The following COPS2 variants were observed in gnomAD, a reference collection of about 807,000 sequenced individuals.
The protein encoded by COPS2 is COP9 signalosome complex subunit 2.
COPS2 carries 10 observed loss-of-function variants against 66.1 expected under a neutral mutation model. The ratio of observed to expected loss-of-function variants is 0.15; its 90% CI spans 0.09 to 0.26. COPS2 has a LOEUF of 0.26. Ranked by LOEUF, COPS2 falls within the 10% of genes least tolerant of loss-of-function variation. COPS2 has a pLI of 1.00. For missense variants in COPS2, 215 were observed against 513.3 expected (o/e 0.42, Z 5.62); for synonymous variants, 179 against 171.3 (o/e 1.04, Z -0.35).
intron 1 of COPS2, among the ~76,000 whole-genome samples, chr15:49,149,716 T>C (rs2084345411): frequency 6.6e-6 from 1 of 152,202 alleles, no homozygotes; most frequent in South Asian, 2.1e-4. Context: ...CTTACTCTTG[T>C]ATTTACCGCC....
At chr15:49,136,833 C>CA (rs1169584350) in intron 6 of COPS2, among the ~76,000 whole-genome samples, 1 of 151,712 alleles carries the variant, frequency 6.6e-6, no homozygotes, top group Admixed American at 6.6e-5. Flanking sequence ...CAAAAAAATA[C>CA]AAAAAATTAG....
rs774521967 is a variant in COPS2 at position 49,133,863 on chromosome 15, T to A, written c.895-52A>T. The A allele has an allele frequency of 6.5e-6, 10 of 1,545,694 alleles. No individual in the cohort carries two copies. The Admixed American group carries it at 8.3e-5, about 13-fold the overall frequency. ...ATATATGTACAAAGAAACAACATTT[T>A]AAAAAAAGAAATAACATTTATTTCC... On this transcript the variant is annotated intron_variant, in intron 8 of 12. Coordinates refer to ENST00000388901, the MANE Select transcript of COPS2 (RefSeq NM_004236.4).
Position 49,127,866 on chromosome 15 carries a change from C to T in COPS2, c.*84G>A, listed in dbSNP as rs2084179531. The T allele has an allele frequency of 7.3e-7, 1 of 1,367,696 alleles. No homozygotes were observed. The highest frequency in any genetic ancestry group is 1.0e-6 in the Non-Finnish European group (1 of 999,582). The allele number at this position is 1,367,696 out of a possible 1,614,324, so 84.7% of individuals were successfully genotyped here. A position where few individuals can be genotyped will look rare whatever the true frequency, so the allele number is the denominator to read the frequency against. On this transcript the variant is annotated 3_prime_UTR_variant, in exon 13 of 13. Coordinates refer to ENST00000388901, the MANE Select transcript of COPS2 (RefSeq NM_004236.4). The stretch of plus-strand genomic sequence containing the variant: ...ATAATTTTCAGGACACATCAACCGA[C>T]AGTAGTTTTGCCATTCCCAGTTCTT...
chr15:49,125,220 A>C lies in COPS2; in HGVS notation c.*2730T>G, dbSNP rs1008707324. The C allele has an allele frequency of 6.6e-6, 1 of 152,170 alleles. No homozygotes were observed. The highest frequency in any genetic ancestry group is 2.4e-5 in the African/African-American group (1 of 41,466). 9.4% of individuals were successfully genotyped at this position (152,170 alleles called of 1,614,324 possible). A position where few individuals can be genotyped will look rare whatever the true frequency, so the allele number is the denominator to read the frequency against. On this transcript the variant is annotated 3_prime_UTR_variant, in exon 13 of 13. Coordinates refer to ENST00000388901, the MANE Select transcript of COPS2 (RefSeq NM_004236.4). Reference sequence around the variant, plus strand: ...AGTTAGAAGGGACTCATGTAATGAGAGCATTACTTAGTACATATATACTCA... The same window carrying C: ...AGTTAGAAGGGACTCATGTAATGAGCGCATTACTTAGTACATATATACTCA...
Position 49,137,130 on chromosome 15 carries a change from A to G in COPS2, c.540+20T>C, listed in dbSNP as rs751870873. ...TTTTTATTATGAAGAAATATTCAGA[A>G]AAAAATAAGGGAAAGCTACCTGGCA... On this transcript the variant is annotated intron_variant, in intron 6 of 12. Coordinates refer to ENST00000388901, the MANE Select transcript of COPS2 (RefSeq NM_004236.4). 3.4e-5 allele frequency: 52 copies of G among 1,511,794 alleles called. No homozygotes were observed. In the South Asian group the frequency reaches 6.3e-4, roughly 18 times the overall value. The allele number at this position is 1,511,794 out of a possible 1,614,324, so 93.6% of individuals were successfully genotyped here. A position where few individuals can be genotyped will look rare whatever the true frequency, so the allele number is the denominator to read the frequency against.
intron 4 of COPS2, 81 bp from the exon 5 acceptor site, chr15:49,137,518 G>C (rs2084261957): frequency 2.0e-6 from 2 of 999,658 alleles, no homozygotes; most frequent in Non-Finnish European, 1.6e-6. Context: ...CAAACTAAAA[G>C]TGCATCTTTG....
In COPS2 at chr15:49,127,736, T is replaced by C. The variant is rs2084178446; in HGVS notation, c.*214A>G. 2 of 492,084 alleles carry C rather than the reference T, an allele frequency of 4.1e-6. No homozygotes were observed. Among genetic ancestry groups the C allele is most frequent in the East Asian group, 6.4e-5 (2 of 31,196 alleles). 30.5% of individuals were successfully genotyped at this position (492,084 alleles called of 1,614,324 possible). ...AGATGTCAATACAGCATAAATCCCA[T>C]GGTATTTTGGTTTTCTTCTGGAGAT... is the stretch of plus-strand genomic sequence containing the variant. On this transcript the variant is annotated 3_prime_UTR_variant, in exon 13 of 13. Coordinates refer to ENST00000388901, the MANE Select transcript of COPS2 (RefSeq NM_004236.4).
chr15:49,149,087 T>C (rs1248269185), intron 1 of COPS2, among the ~76,000 whole-genome samples: 2 of 152,012 alleles, frequency 1.3e-5, no homozygotes, highest in African/African-American at 4.8e-5. Flanking sequence ...TTATGAAAAA[T>C]AATCAAGCAC....
intron 3 of COPS2, among the ~76,000 whole-genome samples, chr15:49,143,925 G>C (rs2084304917): frequency 6.6e-6 from 1 of 151,542 alleles, no homozygotes. Context: ...GGCAGAGGTT[G>C]CAGTGAACCA....
intron 1 of COPS2, among the ~76,000 whole-genome samples, chr15:49,151,305 C>A (rs1419774794): frequency 6.6e-6 from 1 of 150,426 alleles, no homozygotes; most frequent in Non-Finnish European, 1.5e-5. Flanking sequence ...GAGGTTGAGG[C>A]AGGAGAATTG....
At chr15:49,142,701 C>T (rs2084296958) in intron 3 of COPS2, among the ~76,000 whole-genome samples, 1 of 152,136 alleles carries the variant, frequency 6.6e-6, no homozygotes, top group South Asian at 2.1e-4. Context: ...TCTCCTGATC[C>T]TTTTTCCCTC....
intron 1 of COPS2, among the ~76,000 whole-genome samples, chr15:49,149,016 A>G (rs1287847652): frequency 1.3e-5 from 2 of 152,232 alleles, no homozygotes; most frequent in Non-Finnish European, 2.9e-5. Flanking sequence ...ACAGAAGAGA[A>G]AGTGAAATTT....
At chr15:49,153,501 T>C (rs2141136019) in intron 1 of COPS2, among the ~76,000 whole-genome samples, 1 of 152,236 alleles carries the variant, frequency 6.6e-6, no homozygotes, top group South Asian at 2.1e-4. Context: ...TCTCAAAAAC[T>C]AGAAGTAGAA....
At chr15:49,132,109 G>T (rs1489720702) in intron 9 of COPS2, among the ~76,000 whole-genome samples, 1 of 151,836 alleles carries the variant, frequency 6.6e-6, no homozygotes, top group Non-Finnish European at 1.5e-5. Flanking sequence ...ATATTTCTTA[G>T]AGTTTTAAAA....
intron 12 of COPS2, 45 bp downstream of exon 12, chr15:49,128,657 T>G (rs1449969388): frequency 7.3e-7 from 1 of 1,372,302 alleles, no homozygotes; most frequent in Non-Finnish European, 1.0e-6. Flanking sequence ...TATTCAAAAC[T>G]TACGGTACCA....
Position 49,127,970 on chromosome 15 carries a change from C to T in COPS2, c.1312G>A (p.Val438Ile). The T allele has an allele frequency of 1.2e-6, 2 of 1,613,926 alleles. No individual in the cohort carries two copies. The highest frequency in any genetic ancestry group is 1.7e-6 in the Non-Finnish European group (2 of 1,179,848). ...TNQLNSLNQA[V>I]VSKLA ...CTCTGTTAAGCCAGTTTACTGACTA[C>T]AGCCTGGTTGAGAGAATTTAGTTGG... The change falls in exon 13 of 13, where the codon GTA becomes ATA. Residue 438 changes from valine to isoleucine, a missense_variant. By Grantham distance (29) the Val-to-Ile change is conservative (BLOSUM62 3). Transcript: ENST00000388901.
chr15:49,147,352 G>A (rs1013849215), intron 1 of COPS2, among the ~76,000 whole-genome samples: 5 of 151,996 alleles, frequency 3.3e-5, no homozygotes, highest in African/African-American at 1.2e-4. Flanking sequence ...TGATCACAAA[G>A]TAAAAATTCA....
rs2084139160 is a variant in COPS2 at position 49,123,280 on chromosome 15, A to T, written c.*4670T>A. ...TAAACTCTAAACTCCCATAAAATGG[A>T]TGTACAATAAAACAACCTTTAGCAA... On this transcript the variant is annotated 3_prime_UTR_variant, in exon 13 of 13. Coordinates refer to ENST00000388901, the MANE Select transcript of COPS2 (RefSeq NM_004236.4). 1 of 152,194 alleles carries T rather than the reference A, an allele frequency of 6.6e-6. No individual in the cohort carries two copies. The highest frequency in any genetic ancestry group is 2.4e-5 in the African/African-American group (1 of 41,450). 9.4% of individuals were successfully genotyped at this position (152,194 alleles called of 1,614,324 possible).
chr15:49,147,816 A>G lies in COPS2; in HGVS notation c.55-2738T>C, dbSNP rs542591662. Among the ~76,000 whole-genome samples, 5 of 151,864 alleles carry G rather than the reference A, an allele frequency of 3.3e-5. No homozygotes were observed. In the South Asian group the frequency reaches 6.2e-4, roughly 19 times the overall value. On this transcript the variant is annotated intron_variant, in intron 1 of 12. Coordinates refer to ENST00000388901, the MANE Select transcript of COPS2 (RefSeq NM_004236.4). ...TGTGACTACATTCTTTTGGTTTTTC[A>G]TATCATACGGATTAAGAAATGGCAT...
Sources: allele counts gnomAD v4.1 joint callset (sites outside exome capture counted in the v4.1 genomes callset), GRCh38; gene constraint gnomAD v4.1.1; transcripts MANE v1.5; gene names NCBI Gene and HGNC (gene_info 2026-07-23, HGNC 2026-07-21).